PREX2: variants seen among roughly 807,000 people sequenced by gnomAD.
The protein encoded by PREX2 is phosphatidylinositol-3,4,5-trisphosphate dependent Rac exchange factor 2.
PREX2 carries 107 observed loss-of-function variants against 203.2 expected under a neutral mutation model. That is an observed-to-expected ratio of 0.53 (90% confidence interval 0.45 to 0.62). PREX2 has a LOEUF of 0.62. Ranked by LOEUF, PREX2 falls within the 20% of genes least tolerant of loss-of-function variation. PREX2 has a pLI of 0.00. For synonymous variants in PREX2, 672 were observed against 663.6 expected, an observed-to-expected ratio of 1.01 and a Z score of -0.19; for missense variants, 1,777 against 1,955.9, an observed-to-expected ratio of 0.91 and a Z score of 1.72.
chr8:68,108,873 G>C (rs1276806103), intron 24 of PREX2: 1 of 223,584 alleles, frequency 4.5e-6, no homozygotes, highest in Non-Finnish European at 9.1e-6. Flanking sequence ...GCCATAAAAA[G>C]AAGTAAATCC....
chr8:68,164,790 C>T (rs1277007233), intron 35 of PREX2, among the ~76,000 whole-genome samples: 2 of 151,678 alleles, frequency 1.3e-5, no homozygotes, highest in East Asian at 3.9e-4. Context: ...CCATGTTGGT[C>T]AGGCTGGTCT....
intron 1 of PREX2, among the ~76,000 whole-genome samples, chr8:67,980,594 G>T (rs1806238668): frequency 6.6e-6 from 1 of 152,120 alleles, no homozygotes; most frequent in Non-Finnish European, 1.5e-5. Flanking sequence ...ATACGGTTTG[G>T]CTGTGCCTCC....
At chr8:68,132,629 A>C (rs1331530791) in intron 31 of PREX2, among the ~76,000 whole-genome samples, 1 of 152,168 alleles carries the variant, frequency 6.6e-6, no homozygotes, top group Non-Finnish European at 1.5e-5. Flanking sequence ...GGTAAATCTT[A>C]AAAATTATGC....
intron 37 of PREX2, among the ~76,000 whole-genome samples, chr8:68,210,883 C>T (rs944328460): frequency 6.6e-6 from 1 of 152,078 alleles, no homozygotes; most frequent in African/African-American, 2.4e-5. Context: ...TAAACAATAT[C>T]CACTTTAGGT....
chr8:68,072,329 T>C (rs538778731), intron 13 of PREX2, among the ~76,000 whole-genome samples, 166 bp from the exon 14 acceptor site: 1 of 152,310 alleles, frequency 6.6e-6, no homozygotes, highest in South Asian at 2.1e-4. Flanking sequence ...TTTACATGCA[T>C]AATAAACTTC....
intron 34 of PREX2, among the ~76,000 whole-genome samples, chr8:68,155,898 T>C (rs1203814063): frequency 6.6e-6 from 1 of 152,194 alleles, no homozygotes; most frequent in African/African-American, 2.4e-5. Context: ...TTAAAATTAG[T>C]GAGATATTAT....
intron 37 of PREX2, among the ~76,000 whole-genome samples, chr8:68,210,453 A>G (rs532494356): frequency 3.3e-5 from 5 of 152,334 alleles, no homozygotes; most frequent in African/African-American, 9.6e-5. Flanking sequence ...ACCAAGCAAA[A>G]TATCAGTGTT....
At chr8:68,221,805 A>G (rs1812958993) in intron 38 of PREX2, among the ~76,000 whole-genome samples, 1 of 152,236 alleles carries the variant, frequency 6.6e-6, no homozygotes, top group African/African-American at 2.4e-5. Flanking sequence ...GGAATTACTT[A>G]ATGGAAATAT....
intron 1 of PREX2, among the ~76,000 whole-genome samples, chr8:68,005,668 C>A (rs1350760111): frequency 3.3e-5 from 5 of 152,236 alleles, no homozygotes; most frequent in Non-Finnish European, 7.3e-5. Flanking sequence ...CTTAAAGTCT[C>A]TCCTGAAGTG....
At chr8:68,131,705 A>G (rs905730764) in intron 31 of PREX2, among the ~76,000 whole-genome samples, 5 of 152,350 alleles carry the variant, frequency 3.3e-5, no homozygotes, top group South Asian at 2.1e-4. Flanking sequence ...GGATAAAAAT[A>G]GAAAAGAACT....
At chr8:68,112,990 A>G (rs1810564755) in intron 25 of PREX2, among the ~76,000 whole-genome samples, 2 of 152,208 alleles carry the variant, frequency 1.3e-5, no homozygotes, top group South Asian at 2.1e-4. Context: ...TATCAATGGC[A>G]CAAGGAGAAG....
chr8:68,050,482 T>C (rs1394906109), intron 8 of PREX2, among the ~76,000 whole-genome samples: 1 of 152,148 alleles, frequency 6.6e-6, no homozygotes, highest in Non-Finnish European at 1.5e-5. Flanking sequence ...CTCACTATCA[T>C]GAGAACAGCA....
chr8:68,208,663 C>T (rs79424486), intron 37 of PREX2, among the ~76,000 whole-genome samples: 2,525 of 152,078 alleles, frequency 0.017, 73 homozygotes, highest in African/African-American at 0.058. Flanking sequence ...TACATTCTTC[C>T]GACATGTAGA....
rs1810743688 is a variant in PREX2 at position 68,120,248 on chromosome 8, A to C, written c.3557A>C (p.Asp1186Ala). ...GGGCAGGCTGTTGTGAGGGCCTTTGACCAAACCAAGTATCTCACTCCAGGC... is the reference window on the plus strand; with the variant it reads ...GGGCAGGCTGTTGTGAGGGCCTTTGCCCAAACCAAGTATCTCACTCCAGGC... ...LKGQAVVRAF[D>A]QTKYLTPGRG... Residue 1186 changes from aspartate (D) to alanine (A), a missense_variant, in exon 29 of 40, where the codon GAC becomes GCC. Asp to Ala is a moderately radical substitution (Grantham distance 126). Coordinates refer to ENST00000288368, the MANE Select transcript of PREX2 (RefSeq NM_024870.4). 6.2e-7 allele frequency: 1 copy of C among 1,613,904 alleles called. No homozygotes were observed.
intron 39 of PREX2, among the ~76,000 whole-genome samples, chr8:68,228,761 G>A (rs1485453180): frequency 2.9e-5 from 4 of 135,642 alleles, no homozygotes; most frequent in African/African-American, 8.2e-5. Context: ...GCGAGACTCC[G>A]TCTCTAAATA....
chr8:68,120,938 G>A lies in PREX2; in HGVS notation c.3613G>A (p.Glu1205Lys). The A allele has an allele frequency of 6.2e-7, 1 of 1,612,616 alleles. No homozygotes were observed. Among genetic ancestry groups the A allele is most frequent in the Non-Finnish European group, 8.5e-7 (1 of 1,179,354 alleles). The change falls in exon 30 of 40, where the codon GAA becomes AAA. Residue 1205 changes from glutamate to lysine, a missense_variant. Transcript: ENST00000288368. ...TTATTTAGAATTTCAACAGGAAATG[G>A]AACCAAAGCTGAGTTGTCCAAAAAG... ...RGLQEFQQEM[E>K]PKLSCPKRLR...
At chr8:68,046,313 G>A (rs1044316111) in intron 8 of PREX2, among the ~76,000 whole-genome samples, 1 of 151,928 alleles carries the variant, frequency 6.6e-6, no homozygotes, top group African/African-American at 2.4e-5. Flanking sequence ...TGTGCTTTTG[G>A]GCAGCTGGAG....
chr8:68,164,077 G>T (rs571116733), intron 35 of PREX2, among the ~76,000 whole-genome samples: 3 of 152,086 alleles, frequency 2.0e-5, no homozygotes, highest in Non-Finnish European at 4.4e-5. Flanking sequence ...GAAGACAGAT[G>T]ACCCAAAAAA....
rs548791066 is a variant in PREX2 at position 68,233,024 on chromosome 8, G to A, written c.*1646G>A. 3.3e-5 allele frequency: 5 copies of A among 152,250 alleles called. No homozygotes were observed. The highest frequency in any genetic ancestry group is 3.4e-3 in the Middle Eastern group (1 of 294). The allele number at this position is 152,250 out of a possible 1,614,324, so 9.4% of individuals were successfully genotyped here. The stretch of plus-strand genomic sequence containing the variant: ...GAATAACAAAAATACCATGTTACAT[G>A]TGTAGGCAATATGTGTATACTACTA... On this transcript the variant is annotated 3_prime_UTR_variant, in exon 40 of 40. Coordinates refer to ENST00000288368, the MANE Select transcript of PREX2 (RefSeq NM_024870.4).
Sources: allele counts gnomAD v4.1 joint callset (sites outside exome capture counted in the v4.1 genomes callset), GRCh38; gene constraint gnomAD v4.1.1; transcripts MANE v1.5; gene names NCBI Gene and HGNC (gene_info 2026-07-23, HGNC 2026-07-21).